DAB2: variants seen among roughly 807,000 people sequenced by gnomAD.
DAB2 encodes DAB adaptor protein 2.
In DAB2, 28 loss-of-function variants were observed where a neutral mutation model predicts 71.6. That is an observed-to-expected ratio of 0.39 (90% CI 0.29 to 0.54). The LOEUF (loss-of-function observed/expected upper bound fraction) is 0.54. DAB2 is among the 20% of genes least tolerant of loss of function. DAB2 has a pLI of 0.68. For synonymous variants in DAB2, 345 were observed against 339.7 expected (o/e 1.02, Z -0.17); for missense variants, 867 against 928.8 (o/e 0.93, Z 0.86).
chr5:39,387,103 A>T (rs1755113533), intron 9 of DAB2, among the ~76,000 whole-genome samples: 1 of 152,172 alleles, frequency 6.6e-6, no homozygotes. Flanking sequence ...AGGGTCAGAG[A>T]AGAATGCATG....
intron 11 of DAB2, among the ~76,000 whole-genome samples, chr5:39,378,781 T>G (rs1038487593): frequency 6.6e-6 from 1 of 152,200 alleles, no homozygotes; most frequent in African/African-American, 2.4e-5. Context: ...GGCACCCCAT[T>G]CTCCTGTTCT....
At chr5:39,388,438 T>A in intron 8 of DAB2, 71 bp from the exon 9 acceptor site, 1 of 1,104,982 alleles carries the variant, frequency 9.0e-7, no homozygotes, top group Non-Finnish European at 1.4e-6. Flanking sequence ...TGTAATCATT[T>A]GTTTCCTAAA....
In DAB2 at chr5:39,424,814, T is replaced by C. The variant is rs1756068030; in HGVS notation, c.-112A>G. 6.6e-6 allele frequency: 1 copy of C among 152,456 alleles called. No homozygotes were observed. Among genetic ancestry groups the C allele is most frequent in the Non-Finnish European group, 1.5e-5 (1 of 68,016 alleles). 9.4% of individuals were successfully genotyped at this position (152,456 alleles called of 1,614,324 possible). A position where few individuals can be genotyped will look rare whatever the true frequency, so the allele number is the denominator to read the frequency against. On this transcript the variant is annotated 5_prime_UTR_variant, in exon 1 of 15. Coordinates refer to ENST00000320816, the MANE Select transcript of DAB2 (RefSeq NM_001343.4). ...TTCGAAGCTACTCACCGGCTAGCTA[T>C]TGCCTCCGTGAAGCGAGCATGACTT... is the stretch of plus-strand genomic sequence containing the variant.
At chr5:39,395,276 A>G (rs961613071) in intron 1 of DAB2, among the ~76,000 whole-genome samples, 9 of 152,282 alleles carry the variant, frequency 5.9e-5, no homozygotes, top group African/African-American at 1.9e-4. Context: ...TTAACTTTCT[A>G]CATTGACTGA....
At chr5:39,424,062 G>A (rs562794374) in intron 1 of DAB2, among the ~76,000 whole-genome samples, 5 of 152,124 alleles carry the variant, frequency 3.3e-5, no homozygotes, top group Non-Finnish European at 5.9e-5. Context: ...GGGAAAGACA[G>A]CAGAAACAAA....
intron 14 of DAB2, 143 bp from the exon 15 acceptor site, chr5:39,373,568 T>C (rs1437988515): frequency 1.3e-5 from 2 of 152,220 alleles, no homozygotes; most frequent in Non-Finnish European, 2.9e-5. Flanking sequence ...ATGATAAATG[T>C]AGAGCATCTA....
intron 1 of DAB2, among the ~76,000 whole-genome samples, chr5:39,410,292 A>C (rs1011520048): frequency 2.0e-5 from 3 of 152,166 alleles, no homozygotes; most frequent in African/African-American, 4.8e-5. Flanking sequence ...GTATTAACAA[A>C]TTTTGAGGAT....
intron 5 of DAB2, 52 bp downstream of exon 5, chr5:39,390,392 C>T: frequency 6.4e-7 from 1 of 1,571,836 alleles, no homozygotes. Context: ...ACAGACACTC[C>T]AATGTCCACA....
Position 39,411,649 on chromosome 5 carries a change from C to T in DAB2, c.-102+13155G>A, listed in dbSNP as rs370925495. Among the ~76,000 whole-genome samples, 17 of 152,250 alleles carry T rather than the reference C, an allele frequency of 1.1e-4. No homozygotes were observed. In the South Asian group the frequency reaches 1.7e-3, roughly 15 times the overall value. On this transcript the variant is annotated intron_variant, in intron 1 of 14. Transcript: ENST00000320816. ...TCGATCATTTGTTTCCTTAGCTGAA[C>T]GCTATAGCCCTGTGCAAAGACAAGT...
At chr5:39,419,013 C>T (rs1218197292) in intron 1 of DAB2, among the ~76,000 whole-genome samples, 1 of 152,206 alleles carries the variant, frequency 6.6e-6, no homozygotes, top group African/African-American at 2.4e-5. Context: ...AAGCTCTTAA[C>T]CATGAATCTA....
At position 39,394,393 on chromosome 5, in the gene DAB2, C is replaced by T; in HGVS notation, c.-73G>A. On this transcript the variant is annotated 5_prime_UTR_variant, in exon 2 of 15. Coordinates refer to ENST00000320816, the MANE Select transcript of DAB2 (RefSeq NM_001343.4). ...CACCAGGCGATCCCGATGGAGAAGT[C>T]TCAAATAAACATAACCTCCCACAGA... 1 of 1,124,560 alleles carries T rather than the reference C, an allele frequency of 8.9e-7. No homozygotes were observed. Among genetic ancestry groups the T allele is most frequent in the Non-Finnish European group, 1.4e-6 (1 of 735,392 alleles). 69.7% of individuals were successfully genotyped at this position (1,124,560 alleles called of 1,614,324 possible).
intron 1 of DAB2, among the ~76,000 whole-genome samples, chr5:39,412,048 G>A (rs980402726): frequency 6.6e-6 from 1 of 152,032 alleles, no homozygotes; most frequent in Non-Finnish European, 1.5e-5. Context: ...TCTGTCATTC[G>A]CTCTCAGAGC....
chr5:39,374,485 A>G (rs745473456), intron 14 of DAB2, among the ~76,000 whole-genome samples: 3 of 152,226 alleles, frequency 2.0e-5, no homozygotes, highest in Admixed American at 6.5e-5. Flanking sequence ...CCTATGAAGG[A>G]GATCTTTAAT....
Position 39,389,136 on chromosome 5 carries a change from A to G in DAB2, c.544-13T>C. 2 of 1,607,212 alleles carry G rather than the reference A, an allele frequency of 1.2e-6. No individual in the cohort carries two copies. The highest frequency in any genetic ancestry group is 1.7e-6 in the Non-Finnish European group (2 of 1,174,426). On this transcript the variant is annotated splice_polypyrimidine_tract_variant and intron_variant, in intron 6 of 14. Coordinates refer to ENST00000320816, the MANE Select transcript of DAB2 (RefSeq NM_001343.4). ...TGGCTTCCTCTATCTAAAAAGAAAG[A>G]TACATATTCAGTGATCTTCATATTC...
At chr5:39,381,342 C>A in intron 11 of DAB2, 112 bp downstream of exon 11, 1 of 1,129,814 alleles carries the variant, frequency 8.9e-7, no homozygotes, top group Non-Finnish European at 1.3e-6. Context: ...CCCTGGGATG[C>A]TCAAATCTTA....
intron 1 of DAB2, among the ~76,000 whole-genome samples, chr5:39,413,425 T>C (rs74862797): frequency 0.02 from 3,109 of 152,186 alleles, 115 homozygotes; most frequent in African/African-American, 0.071. Context: ...CTAAGATCGA[T>C]TTCATCATAC....
chr5:39,374,916 C>G (rs569644664), intron 14 of DAB2, 98 bp downstream of exon 14: 5 of 783,658 alleles, frequency 6.4e-6, no homozygotes, highest in South Asian at 3.0e-5. Context: ...AGATATTTAC[C>G]CTCTTCCCAA....
chr5:39,400,927 G>A (rs752972015), intron 1 of DAB2, among the ~76,000 whole-genome samples: 1 of 152,198 alleles, frequency 6.6e-6, no homozygotes, highest in South Asian at 2.1e-4. Flanking sequence ...AGGACAACAT[G>A]TGAAATATTA....
At chr5:39,406,584 T>A (rs1048576665) in intron 1 of DAB2, among the ~76,000 whole-genome samples, 1 of 152,144 alleles carries the variant, frequency 6.6e-6, no homozygotes, top group Non-Finnish European at 1.5e-5. Flanking sequence ...GTATTTCTAG[T>A]TTTGAAGTGA....
Sources: allele counts gnomAD v4.1 joint callset (sites outside exome capture counted in the v4.1 genomes callset), GRCh38; gene constraint gnomAD v4.1.1; transcripts MANE v1.5; gene names NCBI Gene and HGNC (gene_info 2026-07-23, HGNC 2026-07-21).